UBE2E2: variants seen among roughly 807,000 people sequenced by gnomAD.
UBE2E2 encodes the protein ubiquitin conjugating enzyme E2 E2, also known as ubiquitin-conjugating enzyme E2 E2.
A neutral mutation model predicts 24.7 loss-of-function variants in UBE2E2; 6 were observed. That is an observed-to-expected ratio of 0.24 (90% confidence interval 0.13 to 0.48). The LOEUF (loss-of-function observed/expected upper bound fraction) is 0.48, where lower values mean the gene tolerates loss of function less well. Ranked by LOEUF, UBE2E2 falls within the 20% of genes least tolerant of loss-of-function variation. The probability of loss-of-function intolerance (pLI) is 0.99; values close to 1 mark genes in which losing one functional copy is unlikely to be tolerated. For missense variants in UBE2E2, 169 were observed against 245.0 expected (o/e 0.69, Z 2.07); for synonymous variants, 104 against 83.6 (o/e 1.24, Z -1.33).
intron 3 of UBE2E2, among the ~76,000 whole-genome samples, chr3:23,362,355 G>T (rs1418142222): frequency 3.3e-5 from 5 of 152,166 alleles, no homozygotes; most frequent in African/African-American, 1.2e-4. Flanking sequence ...AGCCCATTTT[G>T]TGTGGGGGCA....
intron 3 of UBE2E2, among the ~76,000 whole-genome samples, chr3:23,306,696 C>T (rs1699245870): frequency 6.6e-6 from 1 of 152,158 alleles, no homozygotes; most frequent in African/African-American, 2.4e-5. Context: ...TCTTATAGTA[C>T]CATTCTTCCA....
chr3:23,316,540 A>G (rs1423526681), intron 3 of UBE2E2, among the ~76,000 whole-genome samples: 1 of 151,980 alleles, frequency 6.6e-6, no homozygotes, highest in Non-Finnish European at 1.5e-5. Context: ...GGACAGGGCC[A>G]GAAATGCTGT....
chr3:23,589,653 C>T lies in UBE2E2; in HGVS notation c.509-81C>T. 4 of 1,450,054 alleles carry T rather than the reference C, an allele frequency of 2.8e-6. No individual in the cohort carries two copies. The highest frequency in any genetic ancestry group is 3.8e-6 in the Non-Finnish European group (4 of 1,039,378). The allele number at this position is 1,450,054 out of a possible 1,614,324, so 89.8% of individuals were successfully genotyped here. A position where few individuals can be genotyped will look rare whatever the true frequency, so the allele number is the denominator to read the frequency against. ...ACAGCAGCTTCTCATCTCCTACCCT[C>T]CCACTCCTTGCCAGCTTTCTGAACA... On this transcript the variant is annotated intron_variant, in intron 5 of 5. Coordinates refer to ENST00000396703, the MANE Select transcript of UBE2E2 (RefSeq NM_152653.4). The surrounding 1 kb of genome is among the most constrained non-coding windows in gnomAD (Gnocchi z 4.1).
chr3:23,539,322 TTTG>T (rs1695334749), intron 5 of UBE2E2, among the ~76,000 whole-genome samples: 1 of 152,212 alleles, frequency 6.6e-6, no homozygotes, highest in Admixed American at 6.5e-5. Flanking sequence ...CTGCTAAAAC[TTTG>T]TTACTTTCAT....
At chr3:23,331,479 A>G (rs1695055641) in intron 3 of UBE2E2, among the ~76,000 whole-genome samples, 1 of 151,202 alleles carries the variant, frequency 6.6e-6, no homozygotes, top group Non-Finnish European at 1.5e-5. Context: ...AAGAGAGCAG[A>G]GAGATAGCTG....
chr3:23,544,637 A>C (rs56964757), intron 5 of UBE2E2, among the ~76,000 whole-genome samples: 1 of 152,024 alleles, frequency 6.6e-6, no homozygotes, highest in Admixed American at 6.6e-5. Context: ...GACTATGGAG[A>C]TTTCTCAAAG....
intron 5 of UBE2E2, among the ~76,000 whole-genome samples, chr3:23,578,832 C>T: frequency 6.6e-6 from 1 of 152,058 alleles, no homozygotes; most frequent in Non-Finnish European, 1.5e-5. Flanking sequence ...GGGATTAATA[C>T]CTAGGTGATA....
At chr3:23,347,398 T>C (rs1205478115) in intron 3 of UBE2E2, among the ~76,000 whole-genome samples, 5 of 152,198 alleles carry the variant, frequency 3.3e-5, no homozygotes, top group Non-Finnish European at 7.4e-5. Flanking sequence ...TTCATGTCCT[T>C]TGCAGGGACA....
intron 3 of UBE2E2, among the ~76,000 whole-genome samples, chr3:23,328,896 A>G (rs1249753785): frequency 6.6e-6 from 1 of 152,160 alleles, no homozygotes; most frequent in East Asian, 1.9e-4. Flanking sequence ...GCCTGACCTC[A>G]AATGATCCGC....
intron 3 of UBE2E2, among the ~76,000 whole-genome samples, chr3:23,273,319 C>T (rs762857516): frequency 3.3e-5 from 5 of 151,940 alleles, no homozygotes; most frequent in Non-Finnish European, 7.4e-5. Flanking sequence ...GTGGGCGGAT[C>T]ACGAGGTCAG....
At chr3:23,479,087 A>G (rs1037989841) in intron 3 of UBE2E2, among the ~76,000 whole-genome samples, 1 of 152,122 alleles carries the variant, frequency 6.6e-6, no homozygotes, top group African/African-American at 2.4e-5. Context: ...CTTCTGTGGT[A>G]GGTGGTGCCT....
At chr3:23,465,666 A>G (rs937615527) in intron 3 of UBE2E2, among the ~76,000 whole-genome samples, 1 of 152,212 alleles carries the variant, frequency 6.6e-6, no homozygotes, top group African/African-American at 2.4e-5. Context: ...TCAGATCTAC[A>G]GAACCCTGTA....
At chr3:23,463,170 C>G (rs1046433370) in intron 3 of UBE2E2, among the ~76,000 whole-genome samples, 1 of 152,002 alleles carries the variant, frequency 6.6e-6, no homozygotes, top group Admixed American at 6.5e-5. Context: ...AAAATTATCT[C>G]TTTTTCCCCC....
intron 3 of UBE2E2, among the ~76,000 whole-genome samples, chr3:23,490,962 A>G (rs1245464974): frequency 6.6e-6 from 1 of 152,196 alleles, no homozygotes; most frequent in Non-Finnish European, 1.5e-5. Flanking sequence ...ACTGACAAAA[A>G]AGTACAAAAT....
intron 5 of UBE2E2, among the ~76,000 whole-genome samples, chr3:23,535,599 T>C (rs944721465): frequency 2.6e-5 from 4 of 151,726 alleles, no homozygotes; most frequent in Non-Finnish European, 4.4e-5. Flanking sequence ...ATGGTGTTTA[T>C]TGAGCCTGAT....
At chr3:23,209,010 G>T in intron 2 of UBE2E2, 135 bp downstream of exon 2, 1 of 989,112 alleles carries the variant, frequency 1.0e-6, no homozygotes, top group Non-Finnish European at 1.5e-6. Flanking sequence ...CCTTCAAGAT[G>T]ATCTCGTTTA....
chr3:23,342,542 A>G (rs1575572985), intron 3 of UBE2E2, among the ~76,000 whole-genome samples: 1 of 152,232 alleles, frequency 6.6e-6, no homozygotes, highest in Admixed American at 6.5e-5. Context: ...GTCGTAGGCT[A>G]CATTTTCACA....
At chr3:23,495,357 T>G (rs1699578995) in intron 3 of UBE2E2, among the ~76,000 whole-genome samples, 1 of 152,176 alleles carries the variant, frequency 6.6e-6, no homozygotes, top group Non-Finnish European at 1.5e-5. Context: ...TCAGAGTCCC[T>G]TCCTCAGCCA....
chr3:23,479,503 T>C (rs987224601), intron 3 of UBE2E2, among the ~76,000 whole-genome samples: 59 of 152,052 alleles, frequency 3.9e-4, no homozygotes, highest in African/African-American at 6.3e-4. Context: ...GTAGCTCTTC[T>C]CTCTTTCTCT....
Sources: gnomAD v4.1 joint callset for allele counts (sites outside exome capture counted in the v4.1 genomes callset) on GRCh38, gnomAD v4.1.1 for gene constraint, Gnocchi (gnomAD v3.1) non-coding constraint, MANE v1.5 for transcripts, NCBI Gene and HGNC (gene_info 2026-07-23, HGNC 2026-07-21) for gene names.